COX19: variants seen among roughly 807,000 people sequenced by gnomAD.
COX19 encodes cytochrome c oxidase assembly protein COX19.
Under a neutral mutation model 6.8 loss-of-function variants are expected in COX19, and 8 were observed. The observed-to-expected ratio is 1.18, with a 90% confidence interval of 0.69 to 2.12. The LOEUF (loss-of-function observed/expected upper bound fraction) is 2.12. Among genes scored for constraint, COX19 ranks in the 30% most tolerant of loss-of-function variants. COX19 has a pLI of 0.00. For missense variants in COX19, 131 were observed against 104.6 expected, an observed-to-expected ratio of 1.25 and a Z score of -1.10; for synonymous variants, 51 against 38.0, an observed-to-expected ratio of 1.34 and a Z score of -1.26.
Position 966,113 on chromosome 7 carries a change from G to T in COX19, c.*3265C>A, listed in dbSNP as rs1847549422. ...ACTACTGGATATCAATTTATTCTGA[G>T]GGCTACAGCCCATTACAATAATTAA... On this transcript the variant is annotated 3_prime_UTR_variant, in exon 3 of 3. Transcript: ENST00000344111. 1 of 151,864 alleles carries T rather than the reference G, an allele frequency of 6.6e-6. No homozygotes were observed. Among genetic ancestry groups the T allele is most frequent in the African/African-American group, 2.4e-5 (1 of 41,320 alleles). The allele number at this position is 151,864 out of a possible 1,614,324, so 9.4% of individuals were successfully genotyped here.
intron 2 of COX19, among the ~76,000 whole-genome samples, chr7:971,336 T>G (rs1407752034): frequency 6.6e-6 from 1 of 152,194 alleles, no homozygotes; most frequent in Non-Finnish European, 1.5e-5. Context: ...GTCCATTTTC[T>G]AAAACAGACA....
intron 2 of COX19, among the ~76,000 whole-genome samples, chr7:969,851 T>C (rs1847611622): frequency 6.6e-6 from 1 of 151,770 alleles, no homozygotes; most frequent in Admixed American, 6.6e-5. Context: ...CACGCCCTAA[T>C]CCCTGGAACC....
chr7:965,284 C>A lies in COX19; in HGVS notation c.*4094G>T, dbSNP rs1180187721. 6.6e-6 allele frequency among the ~76,000 whole-genome samples: 1 copy of A among 152,034 alleles called. No individual in the cohort carries two copies. Among genetic ancestry groups the A allele is most frequent in the Non-Finnish European group, 1.5e-5 (1 of 68,026 alleles). ...ATAATTTCAGACTTCCAAAAAGTTCCAAAAATAGGACAGTGTGTATACCCA... is the reference window on the plus strand; with the variant it reads ...ATAATTTCAGACTTCCAAAAAGTTCAAAAAATAGGACAGTGTGTATACCCA... On this transcript the variant is annotated 3_prime_UTR_variant, in exon 3 of 3. Coordinates refer to ENST00000344111, the MANE Select transcript of COX19 (RefSeq NM_001031617.3).
chr7:974,911 G>GCGGATC (rs1847683831), intron 1 of COX19: 1 of 152,662 alleles, frequency 6.6e-6, no homozygotes, highest in Middle Eastern at 3.2e-3. Flanking sequence ...GCCCACCTCG[G>GCGGATC]CCTCCCAAAG....
intron 2 of COX19, 91 bp from the exon 3 acceptor site, chr7:969,547 G>A (rs949657842): frequency 2.4e-6 from 2 of 827,834 alleles, no homozygotes; most frequent in African/African-American, 3.4e-5. Flanking sequence ...GCACACCGGG[G>A]GTCCTGCCAC....
At chr7:969,968 T>C (rs1228331377) in intron 2 of COX19, among the ~76,000 whole-genome samples, 1 of 150,876 alleles carries the variant, frequency 6.6e-6, no homozygotes, top group Non-Finnish European at 1.5e-5. Flanking sequence ...TTTTTTTTTT[T>C]TTTTTTTTTT....
At chr7:973,832 G>T (rs34043680) in intron 1 of COX19, among the ~76,000 whole-genome samples, 14,155 of 152,008 alleles carry the variant, frequency 0.093, 797 homozygotes, top group South Asian at 0.14. Flanking sequence ...CGGGCATGGT[G>T]GCGGGTGTCT....
rs1195862287 is a variant in COX19, at chr7:975,519, TC to T, written c.-11del. On this transcript the variant is annotated 5_prime_UTR_variant, in exon 1 of 3. Coordinates refer to ENST00000344111, the MANE Select transcript of COX19 (RefSeq NM_001031617.3). The stretch of plus-strand genomic sequence containing the variant: ...TCATGGCGGTCGACATGTTGGCGAC[TC>T]CGGAGTCTGCGAGCGCCTTGCGAGC... The T allele has an allele frequency of 6.3e-7, 1 of 1,599,030 alleles. No homozygotes were observed. The highest frequency in any genetic ancestry group is 2.3e-5 in the East Asian group (1 of 43,082).
rs955240805 is a variant in COX19 at position 968,287 on chromosome 7, G to A, written c.*1091C>T. ...GAGAAGCCTCAGCCACCCACAGGCA[G>A]AGGGACGAGGGCAGCCTGTTTCCCA... is the stretch of plus-strand genomic sequence containing the variant. On this transcript the variant is annotated 3_prime_UTR_variant, in exon 3 of 3. Coordinates refer to ENST00000344111, the MANE Select transcript of COX19 (RefSeq NM_001031617.3). 1 of 152,306 alleles carries A rather than the reference G, an allele frequency of 6.6e-6. No homozygotes were observed. The highest frequency in any genetic ancestry group is 1.5e-5 in the Non-Finnish European group (1 of 68,084). 9.4% of individuals were successfully genotyped at this position (152,306 alleles called of 1,614,324 possible).
intron 2 of COX19, 87 bp from the exon 3 acceptor site, chr7:969,543 C>T (rs556069242): frequency 7.0e-6 from 6 of 859,332 alleles, no homozygotes; most frequent in African/African-American, 1.7e-5. Context: ...CAGCGCACAC[C>T]GGGGGTCCTG....
chr7:965,915 A>G lies in COX19; in HGVS notation c.*3463T>C, dbSNP rs955955409. Among the ~76,000 whole-genome samples, 1 of 152,186 alleles carries G rather than the reference A, an allele frequency of 6.6e-6. No homozygotes were observed. Among genetic ancestry groups the G allele is most frequent in the East Asian group, 1.9e-4 (1 of 5,180 alleles). ...CGGCCTCCCAAAGTGTTGGGATTAT[A>G]GGCGTGAGCCACTGGCGCCCGGCCC... On this transcript the variant is annotated 3_prime_UTR_variant, in exon 3 of 3. Coordinates refer to ENST00000344111, the MANE Select transcript of COX19 (RefSeq NM_001031617.3).
At chr7:975,326 G>C in intron 1 of COX19, 102 bp downstream of exon 1, 2 of 914,846 alleles carry the variant, frequency 2.2e-6, no homozygotes, top group Non-Finnish European at 1.6e-6. Context: ...CAGTTTCCCC[G>C]CCTGCACCGC....
chr7:973,858 C>G (rs1041013035), intron 1 of COX19, among the ~76,000 whole-genome samples: 1 of 151,038 alleles, frequency 6.6e-6, no homozygotes, highest in African/African-American at 2.4e-5. Flanking sequence ...CCCAGCTACT[C>G]GGGAGGCTGA....
chr7:972,008 G>A (rs183046788), intron 2 of COX19, among the ~76,000 whole-genome samples: 10 of 152,258 alleles, frequency 6.6e-5, no homozygotes, highest in Admixed American at 2.0e-4. Context: ...AGCTGTCCTC[G>A]GGAGTCTCAA....
At chr7:972,956 T>C (rs962323260) in intron 2 of COX19, 3 of 306,564 alleles carry the variant, frequency 9.8e-6, no homozygotes, top group East Asian at 5.2e-5. Context: ...AATGCAATCA[T>C]GTATAACGCT....
At chr7:975,012 G>C (rs1562946963) in intron 1 of COX19, 1 of 163,094 alleles carries the variant, frequency 6.1e-6, no homozygotes, top group Non-Finnish European at 1.3e-5. Context: ...ACCGGAATAC[G>C]GCCAGAAGCA....
intron 2 of COX19, 121 bp from the exon 3 acceptor site, chr7:969,577 G>A: frequency 2.8e-6 from 2 of 725,214 alleles, no homozygotes; most frequent in Non-Finnish European, 4.8e-6. Flanking sequence ...TGTCCTGGGA[G>A]AGTGGCCCCT....
At position 973,198 on chromosome 7, in the gene COX19, T is replaced by C. The variant is rs751575892; in HGVS notation, c.177A>G (p.Leu59=). The C allele has an allele frequency of 9.4e-6, 15 of 1,599,598 alleles. 1 individual carries two copies. Among genetic ancestry groups the C allele is most frequent in the Non-Finnish European group, 1.3e-5 (15 of 1,173,676 alleles). The change falls in exon 2 of 3, where the codon TTA becomes TTG. Residue 59 remains leucine, a synonymous_variant. Transcript: ENST00000344111. ...ALCRKESKEY[L]ECRMERKLML... is the part of the protein sequence containing the mutation. Reference sequence around the variant, plus strand: ...GTACTCACCTCTCCATCCTGCATTCTAAATATTCTTTTGATTCCTTTCTGC... The same window carrying C: ...GTACTCACCTCTCCATCCTGCATTCCAAATATTCTTTTGATTCCTTTCTGC...
At chr7:969,956 ATTT>A (rs58481554) in intron 2 of COX19, among the ~76,000 whole-genome samples, 52 of 117,524 alleles carry the variant, frequency 4.4e-4, no homozygotes, top group African/African-American at 8.0e-4. Context: ...GTTATCTGAT[ATTT>A]TTTTTTTTTT....
Sources: allele counts gnomAD v4.1 joint callset (sites outside exome capture counted in the v4.1 genomes callset), GRCh38; gene constraint gnomAD v4.1.1; transcripts MANE v1.5; gene names NCBI Gene and HGNC (gene_info 2026-07-23, HGNC 2026-07-21).